Variants in ZBTB45 observed in about 807,000 individuals in gnomAD.
The protein encoded by ZBTB45 is zinc finger and BTB domain containing 45.
A neutral mutation model predicts 28.4 loss-of-function variants in ZBTB45; 22 were observed. The observed-to-expected ratio is 0.77, with a 90% confidence interval of 0.55 to 1.10. The LOEUF (loss-of-function observed/expected upper bound fraction) is 1.10, where lower values mean the gene tolerates loss of function less well. ZBTB45 is among the 50% of genes least tolerant of loss of function. ZBTB45 has a pLI of 0.00. For missense variants in ZBTB45, 656 were observed against 750.2 expected (o/e 0.87, Z 1.47); for synonymous variants, 361 against 332.3 (o/e 1.09, Z -0.94).
chr19:58,538,226 T>C (rs993485388), intron 1 of ZBTB45, among the ~76,000 whole-genome samples: 1 of 151,860 alleles, frequency 6.6e-6, no homozygotes, highest in Admixed American at 6.6e-5. Context: ...CTTTTCTTTT[T>C]TTTTTAAAGA....
intron 1 of ZBTB45, among the ~76,000 whole-genome samples, chr19:58,532,680 G>C (rs769756929): frequency 5.9e-5 from 9 of 152,054 alleles, no homozygotes; most frequent in Non-Finnish European, 8.8e-5. Context: ...CCGAGTAGTT[G>C]GGATTACAGG....
In ZBTB45 at chr19:58,516,552, C is replaced by A. The variant is rs1232137657; in HGVS notation, c.1122G>T (p.Leu374=). The change falls in exon 2 of 3, where the codon CTG becomes CTT. Residue 374 remains leucine (L), a synonymous_variant. Transcript: ENST00000594051. This position sits in a 1 kb window ranked among gnomAD's most constrained non-coding sequence, Gnocchi z 6.2. ...LQPEAAPSTQ[L]GEVPAPSAAP... ...CAGCAGAGGGAGCCGGGACCTCCCCCAGCTGAGTACTGGGGGCTGCCTCGG... is the reference window on the plus strand; with the variant it reads ...CAGCAGAGGGAGCCGGGACCTCCCCAAGCTGAGTACTGGGGGCTGCCTCGG... 1 of 1,606,364 alleles carries A rather than the reference C, an allele frequency of 6.2e-7. No homozygotes were observed. The highest frequency in any genetic ancestry group is 8.5e-7 in the Non-Finnish European group (1 of 1,176,234).
rs775818924 is a variant in ZBTB45 at position 58,514,105 on chromosome 19, G to C, written c.1485C>G (p.Phe495Leu). 1.3e-6 allele frequency: 2 copies of C among 1,597,684 alleles called. No individual in the cohort carries two copies. Among genetic ancestry groups the C allele is most frequent in the African/African-American group, 1.3e-5 (1 of 74,370 alleles). ...GGCGCTCCAGCAGCGCGCGGTGCGA[G>C]AAGACCTTGCCGCAGGCGGGGCAGG... ...RAPCPACGKVFSHRALLERHL... is the reference protein window; with the variant it reads ...RAPCPACGKVLSHRALLERHL... The change falls in exon 3 of 3, where the codon TTC becomes TTG. Residue 495 changes from phenylalanine to leucine, a missense_variant. Phe to Leu is a conservative substitution (Grantham distance 22). This residue lies in a region of ZBTB45 where 103 missense variants were observed against 153.5 expected (regional missense o/e 0.67). Transcript: ENST00000594051.
At chr19:58,525,883 G>A (rs2053604297) in intron 1 of ZBTB45, among the ~76,000 whole-genome samples, 1 of 152,198 alleles carries the variant, frequency 6.6e-6, no homozygotes. Context: ...CTTTGCCAGA[G>A]TCCCAGCACC....
At position 58,517,793 on chromosome 19, in the gene ZBTB45, C is replaced by T. The variant is rs765755716; in HGVS notation, c.1-120G>A. 140 of 883,952 alleles carry T rather than the reference C, an allele frequency of 1.6e-4. 1 individual carries two copies. Among genetic ancestry groups the T allele is most frequent in the Non-Finnish European group, 2.2e-4 (128 of 575,110 alleles). The allele number at this position is 883,952 out of a possible 1,614,324, so 54.8% of individuals were successfully genotyped here. A position where few individuals can be genotyped will look rare whatever the true frequency, so the allele number is the denominator to read the frequency against. On this transcript the variant is annotated intron_variant, in intron 1 of 2. Coordinates refer to ENST00000594051, the MANE Select transcript of ZBTB45 (RefSeq NM_001316979.2). ...CTCGAGTGCACCACACTCCAAGGCG[C>T]GCTAACCCATCCCTCCCCAGCTGCC...
chr19:58,522,247 C>T (rs548672619), upstream of ZBTB45, among the ~76,000 whole-genome samples: 5 of 151,974 alleles, frequency 3.3e-5, no homozygotes, highest in South Asian at 1.0e-3. Context: ...CTGCAACCTC[C>T]GCCTCACAGG....
intron 1 of ZBTB45, among the ~76,000 whole-genome samples, chr19:58,530,840 C>T (rs989195112): frequency 1.9e-4 from 29 of 152,166 alleles, no homozygotes; most frequent in East Asian, 1.2e-3. Context: ...CCCGCCACCA[C>T]GCCTGGCTAA....
rs541460111 is a variant in ZBTB45 at position 58,516,225 on chromosome 19, C to T, written c.1279+170G>A. On this transcript the variant is annotated intron_variant, in intron 2 of 2. Transcript: ENST00000594051. This position sits in a 1 kb window ranked among gnomAD's most constrained non-coding sequence, Gnocchi z 6.2. ...GTGCCTGCTGCTCCACAGAGTGGGG[C>T]TTTCCCCTCCCCCACATACCTTGCA... is the stretch of plus-strand genomic sequence containing the variant. Among the ~76,000 whole-genome samples the T allele has an allele frequency of 4.6e-5, 7 of 152,286 alleles. No individual in the cohort carries two copies. In the East Asian group the frequency reaches 1.4e-3, roughly 29 times the overall value.
intron 1 of ZBTB45, among the ~76,000 whole-genome samples, chr19:58,526,721 C>G (rs955471641): frequency 4.0e-5 from 6 of 148,566 alleles, no homozygotes; most frequent in Admixed American, 4.0e-4. Context: ...TTAGTAGAGA[C>G]GGGGTTTCAC....
upstream of ZBTB45, among the ~76,000 whole-genome samples, chr19:58,523,193 G>A (rs1015813478): frequency 3.9e-5 from 6 of 152,028 alleles, no homozygotes; most frequent in Non-Finnish European, 8.8e-5. Context: ...CAAGGGAGGT[G>A]AGAGCTGCAG....
chr19:58,525,240 G>A (rs1057169635), intron 1 of ZBTB45, among the ~76,000 whole-genome samples: 4 of 152,098 alleles, frequency 2.6e-5, no homozygotes, highest in South Asian at 2.1e-4. Context: ...CCACAAACCC[G>A]GCCCCATCCT....
At position 58,516,678 on chromosome 19, in the gene ZBTB45, G is replaced by T; in HGVS notation, c.996C>A (p.Phe332Leu). 1.3e-6 allele frequency: 2 copies of T among 1,571,754 alleles called. No individual in the cohort carries two copies. The highest frequency in any genetic ancestry group is 2.4e-5 in the South Asian group (2 of 83,824). ...VKTPGPPVAL[F>L]PFHLGAPGPP... ...GCCCAGGGGCACCCAAGTGAAAGGG[G>T]AAGAGTGCAACGGGCGGCCCTGGGG... The change falls in exon 2 of 3, where the codon TTC becomes TTA. Residue 332 changes from phenylalanine (F) to leucine (L), a missense_variant. Phe to Leu is a conservative substitution (Grantham distance 22). Transcript: ENST00000594051. The surrounding 1 kb of genome is among the most constrained non-coding windows in gnomAD (Gnocchi z 6.2).
At chr19:58,524,517 G>C (rs960295347), upstream of ZBTB45, among the ~76,000 whole-genome samples, 37 of 147,936 alleles carry the variant, frequency 2.5e-4, no homozygotes, top group African/African-American at 9.3e-4. Flanking sequence ...GGCATTTCAA[G>C]GAATAAATGT....
At chr19:58,524,660 G>A (rs1237429988), upstream of ZBTB45, among the ~76,000 whole-genome samples, 1 of 151,940 alleles carries the variant, frequency 6.6e-6, no homozygotes, top group Admixed American at 6.6e-5. Context: ...GAGGCGGGCG[G>A]ATCACGAGGT....
intron 1 of ZBTB45, among the ~76,000 whole-genome samples, chr19:58,532,394 C>T (rs866808272): frequency 6.6e-5 from 10 of 152,090 alleles, no homozygotes; most frequent in Non-Finnish European, 1.3e-4. Flanking sequence ...GAGAAAATAA[C>T]GTAAGGCTAC....
chr19:58,526,525 A>ATTATTAT (rs1568649871), intron 1 of ZBTB45, among the ~76,000 whole-genome samples: 1 of 131,010 alleles, frequency 7.6e-6, no homozygotes, highest in Admixed American at 7.8e-5. Context: ...TATTATTATT[A>ATTATTAT]TTTTTTTTTT....
In ZBTB45 at chr19:58,514,153, G is replaced by A. The variant is rs752682983; in HGVS notation, c.1437C>T (p.Arg479=). Residue 479 remains arginine (R), a synonymous_variant, in exon 3 of 3, where the codon CGC becomes CGT. Transcript: ENST00000594051. ...TQKSSLNVHM[R]THRPERAPCP... Reference sequence around the variant, plus strand: ...AGGGCGCGCGCTCGGGCCGGTGAGTGCGCATGTGCACGTTGAGCGAGCTCT... The same window carrying A: ...AGGGCGCGCGCTCGGGCCGGTGAGTACGCATGTGCACGTTGAGCGAGCTCT... 1.2e-6 allele frequency: 2 copies of A among 1,610,186 alleles called. No homozygotes were observed. The highest frequency in any genetic ancestry group is 1.7e-6 in the Non-Finnish European group (2 of 1,178,868).
At chr19:58,514,441 A>G in intron 2 of ZBTB45, 131 bp from the exon 3 acceptor site, 1 of 1,186,528 alleles carries the variant, frequency 8.4e-7, no homozygotes, top group South Asian at 1.6e-5. Context: ...CCACCCCGGG[A>G]TCCCTTGCCT....
chr19:58,517,652 G>A lies in ZBTB45; in HGVS notation c.22C>T (p.His8Tyr), dbSNP rs1446879940. The A allele has an allele frequency of 6.2e-7, 1 of 1,613,416 alleles. No homozygotes were observed. Residue 8 changes from histidine to tyrosine, a missense_variant, in exon 2 of 3, where the codon CAT (histidine) becomes TAT (tyrosine). Physicochemically the swap from His to Tyr is moderately conservative, Grantham distance 83. Around this residue, in one of 3 missense-constraint regions of ZBTB45, gnomAD observed 105 missense variants for 152.4 expected, o/e 0.69. Coordinates refer to ENST00000594051, the MANE Select transcript of ZBTB45 (RefSeq NM_001316979.2). Reference protein sequence around the residue: MAAAEAVHHIHLQNFSRS... With the variant: MAAAEAVYHIHLQNFSRS... ...GAGAAGTTCTGCAGGTGTATGTGAT[G>A]CACAGCCTCTGCAGCCGCCATCTGC...
Sources: gnomAD v4.1 joint callset for allele counts (sites outside exome capture counted in the v4.1 genomes callset) on GRCh38, gnomAD v4.1.1 for gene constraint, gnomAD v4.1.1 regional missense constraint, Gnocchi (gnomAD v3.1) non-coding constraint, MANE v1.5 for transcripts, NCBI Gene and HGNC (gene_info 2026-07-23, HGNC 2026-07-21) for gene names.